The following PDGFRB variants were observed in gnomAD, a reference collection of about 807,000 sequenced individuals.
The protein encoded by PDGFRB is platelet derived growth factor receptor beta.
Under a neutral mutation model 120.2 loss-of-function variants are expected in PDGFRB, and 42 were observed. That is an observed-to-expected ratio of 0.35 (90% confidence interval 0.27 to 0.45). The LOEUF is 0.45. Ranked by LOEUF, PDGFRB falls within the 20% of genes least tolerant of loss-of-function variation. PDGFRB has a pLI of 1.00. For missense variants in PDGFRB, 1,149 were observed against 1,476.3 expected (o/e 0.78, Z 3.63); for synonymous variants, 586 against 606.8 (o/e 0.97, Z 0.50).
At chr5:150,146,670 C>T (rs1358433791) in intron 1 of PDGFRB, among the ~76,000 whole-genome samples, 3 of 152,156 alleles carry the variant, frequency 2.0e-5, no homozygotes, top group African/African-American at 4.8e-5. Context: ...GTGATCCTCC[C>T]GCCTCAGCCT....
chr5:150,123,025 G>A lies in PDGFRB; in HGVS notation c.2183+17C>T. 1 of 1,609,290 alleles carries A rather than the reference G, an allele frequency of 6.2e-7. No individual in the cohort carries two copies. ...CAGGTATCCCAAAGATTCAGTCCCTGGCCTCCCTCCTGGTACCTGGGCAGG... is the reference window on the plus strand; with the variant it reads ...CAGGTATCCCAAAGATTCAGTCCCTAGCCTCCCTCCTGGTACCTGGGCAGG... On this transcript the variant is annotated intron_variant, in intron 15 of 22. Coordinates refer to ENST00000261799, the MANE Select transcript of PDGFRB (RefSeq NM_002609.4).
rs56339845 is a variant in PDGFRB at position 150,124,351 on chromosome 5, C to T, written c.1922G>A (p.Arg641His). The change falls in exon 14 of 23, where the codon CGC becomes CAC. Residue 641 changes from arginine to histidine, a missense_variant. Physicochemically the swap from Arg to His is conservative, Grantham distance 29. Transcript: ENST00000261799. ...VAVKMLKSTA[R>H]SSEKQALMSE... ...CATAAGGGCTTGCTTCTCACTGCTG[C>T]GGGCTGTGGCTGAGGAAAATGGGGG... is the stretch of plus-strand genomic sequence containing the variant. 1.4e-5 allele frequency: 22 copies of T among 1,613,478 alleles called. No individual in the cohort carries two copies. The highest frequency in any genetic ancestry group is 8.3e-5 in the Admixed American group (5 of 59,988).
Position 150,123,069 on chromosome 5 carries a change from G to T in PDGFRB, c.2156C>A (p.Ala719Asp), listed in dbSNP as rs1029788952. 6.2e-7 allele frequency: 1 copy of T among 1,613,608 alleles called. No homozygotes were observed. The highest frequency in any genetic ancestry group is 8.5e-7 in the Non-Finnish European group (1 of 1,179,968). The change falls in exon 15 of 23, where the codon GCT (alanine) becomes GAT (aspartate). Residue 719 changes from alanine (A) to aspartate (D), a missense_variant. Coordinates refer to ENST00000261799, the MANE Select transcript of PDGFRB (RefSeq NM_002609.4). ...GGGCAGGGGGAGCCCAACGGGCAGA[G>T]CATTGCTGTAGAGCTCCGCGCTGGG... is the stretch of plus-strand genomic sequence containing the variant. The part of the protein sequence containing the change: ...RPPSAELYSN[A>D]LPVGLPLPSH...
Position 150,116,387 on chromosome 5 carries a change from C to T in PDGFRB, c.3138-441G>A, listed in dbSNP as rs556116806. ...CAGCACTTTGGGAGGCCGAGGCAGG[C>T]GGATCACCTGAGGTCAGGAGGTTGA... On this transcript the variant is annotated intron_variant, in intron 22 of 22. Coordinates refer to ENST00000261799, the MANE Select transcript of PDGFRB (RefSeq NM_002609.4). Among the ~76,000 whole-genome samples the T allele has an allele frequency of 1.4e-3, 206 of 152,146 alleles. 4 individuals carry two copies. Among genetic ancestry groups the T allele is most frequent in the African/African-American group, 1.4e-3 (57 of 41,502 alleles).
intron 14 of PDGFRB, 69 bp downstream of exon 14, chr5:150,124,181 G>T: frequency 9.7e-7 from 1 of 1,034,382 alleles, no homozygotes; most frequent in South Asian, 1.4e-5. Flanking sequence ...GCCTGAGGGG[G>T]GGGTAGGCGG....
rs1760434061 is a variant in PDGFRB at position 150,130,542 on chromosome 5, T to C, written c.1364A>G (p.Lys455Arg). 3 of 1,612,808 alleles carry C rather than the reference T, an allele frequency of 1.9e-6. No individual in the cohort carries two copies. The highest frequency in any genetic ancestry group is 1.1e-5 in the South Asian group (1 of 90,978). Residue 455 changes from lysine (K) to arginine (R), a missense_variant, in exon 9 of 23, where the codon AAA becomes AGA. By Grantham distance (26) the Lys-to-Arg change is conservative (BLOSUM62 2). Around this residue, in one of 3 missense-constraint regions of PDGFRB, gnomAD observed 879 missense variants for 1,108.6 expected, o/e 0.79. Transcript: ENST00000261799. ...ACTGAGGCCCAGGTCTGCTCACCTT[T>C]TGAGGTCTCTGCAGGCAGACCAGAT... ...NIIWSACRDLKRCPRELPPTL... is the reference protein window; with the variant it reads ...NIIWSACRDLRRCPRELPPTL...
intron 1 of PDGFRB, chr5:150,137,314 C>T (rs890977046): frequency 2.8e-5 from 12 of 435,968 alleles, no homozygotes; most frequent in East Asian, 4.4e-5. Flanking sequence ...GCCTCGGCTG[C>T]GTCCCCAGAC....
chr5:150,122,202 C>T, intron 15 of PDGFRB, 162 bp from the exon 16 acceptor site: 2 of 610,700 alleles, frequency 3.3e-6, no homozygotes, highest in Admixed American at 2.9e-5. Flanking sequence ...TTCAACCAAC[C>T]TGCTGGGCCA....
At chr5:150,119,708 C>A (rs995401185) in intron 19 of PDGFRB, 142 bp from the exon 20 acceptor site, 2 of 637,036 alleles carry the variant, frequency 3.1e-6, no homozygotes, top group Non-Finnish European at 5.7e-6. Context: ...ACTGTGGGCT[C>A]CTTCATGGGC....
intron 1 of PDGFRB, among the ~76,000 whole-genome samples, chr5:150,152,503 C>T (rs189325459): frequency 1.4e-4 from 22 of 152,302 alleles, no homozygotes; most frequent in African/African-American, 5.3e-4. Flanking sequence ...ATTCCAAGAA[C>T]CCACTGCCCA....
chr5:150,124,408 T>A, intron 13 of PDGFRB, 48 bp from the exon 14 acceptor site: 1 of 1,342,990 alleles, frequency 7.4e-7, no homozygotes, highest in Non-Finnish European at 1.1e-6. Flanking sequence ...GGAGGCTCCA[T>A]GGAGGCCCCA....
chr5:150,149,655 C>T (rs1416842828), intron 1 of PDGFRB, among the ~76,000 whole-genome samples: 1 of 152,314 alleles, frequency 6.6e-6, no homozygotes, highest in East Asian at 1.9e-4. Flanking sequence ...GAGATGGGAG[C>T]CACCCACAGT....
rs1218562244 is a variant in PDGFRB, at chr5:150,115,168, G to C, written c.*595C>G. 4.3e-6 allele frequency: 1 copy of C among 233,086 alleles called. No individual in the cohort carries two copies. The allele number at this position is 233,086 out of a possible 1,614,324, so 14.4% of individuals were successfully genotyped here. ...TTAATTAGGCTGCCTAATGGCCCCA[G>C]ACCAGCTCGGGCCAGGGAACGCAGG... On this transcript the variant is annotated 3_prime_UTR_variant, in exon 23 of 23. Transcript: ENST00000261799.
In PDGFRB at chr5:150,132,698, G is replaced by A. The variant is rs1395461823; in HGVS notation, c.1127+52C>T. 74 of 1,543,418 alleles carry A rather than the reference G, an allele frequency of 4.8e-5. No individual in the cohort carries two copies. Among genetic ancestry groups the A allele is most frequent in the South Asian group, 2.3e-4 (19 of 82,816 alleles). On this transcript the variant is annotated intron_variant, in intron 7 of 22. Coordinates refer to ENST00000261799, the MANE Select transcript of PDGFRB (RefSeq NM_002609.4). This position sits in a 1 kb window ranked among gnomAD's most constrained non-coding sequence, Gnocchi z 5.0. ...GGCTGAAAGCCGAGGGCTGCCTGGC[G>A]GCTGCAAAGAAAAATAACTTCAAGA... is the stretch of plus-strand genomic sequence containing the variant.
chr5:150,123,232 T>C (rs762115842), intron 14 of PDGFRB, 31 bp from the exon 15 acceptor site: 8 of 1,589,570 alleles, frequency 5.0e-6, no homozygotes, highest in Non-Finnish European at 6.0e-6. Flanking sequence ...GGACAGTCCC[T>C]ATGGAGGCCT....
At chr5:150,127,422 C>A (rs1296100045) in intron 10 of PDGFRB, among the ~76,000 whole-genome samples, 1 of 152,190 alleles carries the variant, frequency 6.6e-6, no homozygotes, top group Non-Finnish European at 1.5e-5. Context: ...GGAGTCCTGT[C>A]CCACCTCCTC....
chr5:150,119,593 C>A (rs1340458350), intron 19 of PDGFRB, 27 bp from the exon 20 acceptor site: 7 of 1,402,096 alleles, frequency 5.0e-6, no homozygotes, highest in Non-Finnish European at 7.1e-6. Context: ...ACAAGAGATA[C>A]ACAGGCTCAG....
Position 150,121,108 on chromosome 5 carries a change from C to T in PDGFRB, c.2463+96G>A, listed in dbSNP as rs187063923. ...GGGAAAATACAACACTGCCCATGTG[C>T]GAGAGGCCACCCTGGTGTGCTCTTG... On this transcript the variant is annotated intron_variant, in intron 17 of 22. Transcript: ENST00000261799. The surrounding 1 kb of genome is among the most constrained non-coding windows in gnomAD (Gnocchi z 4.1). The T allele has an allele frequency of 1.5e-4, 218 of 1,428,978 alleles. No homozygotes were observed. The highest frequency in any genetic ancestry group is 2.0e-4 in the Non-Finnish European group (207 of 1,011,790). The allele number at this position is 1,428,978 out of a possible 1,614,324, so 88.5% of individuals were successfully genotyped here. A position where few individuals can be genotyped will look rare whatever the true frequency, so the allele number is the denominator to read the frequency against.
intron 1 of PDGFRB, among the ~76,000 whole-genome samples, chr5:150,149,201 T>C (rs1015036401): frequency 6.6e-6 from 1 of 152,082 alleles, no homozygotes; most frequent in Non-Finnish European, 1.5e-5. Context: ...TGGCATTTAG[T>C]GGGAGGCTGT....
Sources: gnomAD v4.1 joint callset for allele counts (sites outside exome capture counted in the v4.1 genomes callset) on GRCh38, gnomAD v4.1.1 for gene constraint, gnomAD v4.1.1 regional missense constraint, Gnocchi (gnomAD v3.1) non-coding constraint, MANE v1.5 for transcripts, NCBI Gene and HGNC (gene_info 2026-07-23, HGNC 2026-07-21) for gene names.